The following PPWD1 variants were observed in gnomAD, a reference collection of about 807,000 sequenced individuals.
The protein encoded by PPWD1 is peptidylprolyl isomerase domain and WD repeat-containing protein 1.
Under a neutral mutation model 68.8 loss-of-function variants are expected in PPWD1, and 43 were observed. The ratio of observed to expected loss-of-function variants is 0.62; its 90% CI spans 0.49 to 0.81. The LOEUF (loss-of-function observed/expected upper bound fraction) is 0.81. PPWD1 is among the 30% of genes least tolerant of loss of function. The pLI is 0.00. For synonymous variants in PPWD1, 232 were observed against 258.7 expected (o/e 0.90, Z 0.99); for missense variants, 672 against 804.8 (o/e 0.83, Z 2.00).
At chr5:65,582,058 A>G (rs1365263395) in intron 7 of PPWD1, among the ~76,000 whole-genome samples, 2 of 152,164 alleles carry the variant, frequency 1.3e-5, no homozygotes, top group Non-Finnish European at 2.9e-5. Flanking sequence ...CATTCCTTTG[A>G]AAACTGGAGA....
chr5:65,576,283 G>A (rs944385316), intron 5 of PPWD1: 1 of 980,420 alleles, frequency 1.0e-6, no homozygotes, highest in Middle Eastern at 5.2e-4. Flanking sequence ...TTAAAAGGCA[G>A]CAGATGTATT....
intron 2 of PPWD1, chr5:65,569,256 G>T: frequency 3.5e-6 from 1 of 287,742 alleles, no homozygotes; most frequent in Non-Finnish European, 6.7e-6. Flanking sequence ...AAAGTAGTAT[G>T]TTTAGATTTA....
In PPWD1 at chr5:65,577,131, C is replaced by T. The variant is rs543933775; in HGVS notation, c.1160+62C>T. The T allele has an allele frequency of 1.0e-5, 16 of 1,541,746 alleles. No homozygotes were observed. In the Admixed American group the frequency reaches 3.0e-4, roughly 29 times the overall value. The stretch of plus-strand genomic sequence containing the variant: ...GTTTGTGGGGGACCATTTCCTCCAT[C>T]ATGGGAACAGTGGGAGTATTGTTTG... On this transcript the variant is annotated intron_variant, in intron 6 of 10. Transcript: ENST00000261308.
Position 65,565,807 on chromosome 5 carries a change from C to CAA in PPWD1, c.197-1688_197-1687dup, listed in dbSNP as rs35080676. ...TGGGCAACAGAGCAAGACTCCGTCT[C>CAA]AAAAAAAAAAAAAAAAAAAGCCAAT... On this transcript the variant is annotated intron_variant, in intron 1 of 10. Coordinates refer to ENST00000261308, the MANE Select transcript of PPWD1 (RefSeq NM_015342.4). Among the ~76,000 whole-genome samples, 521 of 103,280 alleles carry CAA rather than the reference C, an allele frequency of 5.0e-3. 5 individuals are homozygous for CAA. The highest frequency in any genetic ancestry group is 0.017 in the African/African-American group (457 of 27,034). 67.8% of individuals were successfully genotyped at this position (103,280 alleles called of 152,430 possible).
chr5:65,585,814 A>G (rs531360139), intron 9 of PPWD1, 185 bp from the exon 10 acceptor site: 2 of 639,404 alleles, frequency 3.1e-6, no homozygotes, highest in African/African-American at 2.0e-5. Context: ...TTATGTTTCA[A>G]TCAAGGTGGT....
At chr5:65,580,188 A>G (rs1013628197) in intron 7 of PPWD1, among the ~76,000 whole-genome samples, 6 of 152,146 alleles carry the variant, frequency 3.9e-5, no homozygotes, top group Non-Finnish European at 5.9e-5. Context: ...TGTTCATCCA[A>G]GCAGGAAAAT....
chr5:65,578,355 A>G (rs1179946105), intron 6 of PPWD1, among the ~76,000 whole-genome samples: 1 of 152,238 alleles, frequency 6.6e-6, no homozygotes, highest in Non-Finnish European at 1.5e-5. Context: ...GTAAATACCA[A>G]GGAGCACAAT....
At chr5:65,578,149 C>G (rs1486147182) in intron 6 of PPWD1, among the ~76,000 whole-genome samples, 1 of 152,170 alleles carries the variant, frequency 6.6e-6, no homozygotes, top group African/African-American at 2.4e-5. Context: ...ATTTAAGTTT[C>G]CTCCATGCCT....
Position 65,576,884 on chromosome 5 carries a change from T to C in PPWD1, c.975T>C (p.Phe325=), listed in dbSNP as rs1561727957. 1.2e-6 allele frequency: 2 copies of C among 1,613,992 alleles called. No individual in the cohort carries two copies. The highest frequency in any genetic ancestry group is 1.7e-4 in the Middle Eastern group (1 of 6,060). The change falls in exon 6 of 11, where the codon TTT becomes TTC. Residue 325 remains phenylalanine (F), a synonymous_variant. Transcript: ENST00000261308. ...CTAAATGGTTTATTTCCTAGATGTT[T>C]ACTGAACTGCAACAGATGAGGCAAC... The part of the protein sequence containing the change: ...MRVFDESLSM[F]TELQQMRQQL...
rs1382019656 is a variant in PPWD1, at chr5:65,571,903, T to G, written c.586T>G (p.Ser196Ala). Residue 196 changes from serine (S) to alanine (A), a missense_variant, in exon 5 of 11, where the codon TCC becomes GCC. Physicochemically the swap from Ser to Ala is moderately conservative, Grantham distance 99 (BLOSUM62 1). This residue lies in a region of PPWD1 where 484 missense variants were observed against 646.2 expected (regional missense o/e 0.75). Transcript: ENST00000261308. ...PGDAISSVAA[S>A]EKSTGKIFIY... ...GGATGCAATTTCTTCAGTTGCTGCT[T>G]CCGAAAAGAGTACAGGAAAAATTTT... The G allele has an allele frequency of 1.2e-6, 2 of 1,614,050 alleles. No individual in the cohort carries two copies. Among genetic ancestry groups the G allele is most frequent in the Non-Finnish European group, 1.7e-6 (2 of 1,179,986 alleles).
intron 1 of PPWD1, among the ~76,000 whole-genome samples, chr5:65,565,498 A>T (rs1752707732): frequency 6.6e-6 from 1 of 152,146 alleles, no homozygotes; most frequent in South Asian, 2.1e-4. Flanking sequence ...TCAGTTATTT[A>T]TTGTTTTAAG....
chr5:65,573,333 A>T (rs1346499288), intron 5 of PPWD1, among the ~76,000 whole-genome samples: 1 of 148,154 alleles, frequency 6.7e-6, no homozygotes, highest in African/African-American at 2.5e-5. Context: ...TCTGAGACAG[A>T]GTTGCACTTG....
In PPWD1 at chr5:65,572,048, C is replaced by G; in HGVS notation, c.731C>G (p.Ser244Cys). The G allele has an allele frequency of 6.2e-7, 1 of 1,613,998 alleles. No homozygotes were observed. The highest frequency in any genetic ancestry group is 8.5e-7 in the Non-Finnish European group (1 of 1,179,888). The change falls in exon 5 of 11, where the codon TCT (serine) becomes TGT (cysteine). Residue 244 changes from serine (S) to cysteine (C), a missense_variant. Around this residue, in one of 2 missense-constraint regions of PPWD1, gnomAD observed 484 missense variants for 646.2 expected, o/e 0.75. Transcript: ENST00000261308. Reference sequence around the variant, plus strand: ...AAAGCAGTAGTGTCTTCTGACAAATCTGGGATGATTGAATACTGGACTGGG... The same window carrying G: ...AAAGCAGTAGTGTCTTCTGACAAATGTGGGATGATTGAATACTGGACTGGG... The part of the protein sequence containing the change: ...VYKAVVSSDK[S>C]GMIEYWTGPP...
In PPWD1 at chr5:65,586,089, A is replaced by C. The variant is rs774361860; in HGVS notation, c.1705A>C (p.Thr569Pro). 6.2e-7 allele frequency: 1 copy of C among 1,613,690 alleles called. No individual in the cohort carries two copies. The highest frequency in any genetic ancestry group is 8.5e-7 in the Non-Finnish European group (1 of 1,179,654). Residue 569 changes from threonine (T) to proline (P), a missense_variant, in exon 10 of 11, where the codon ACA becomes CCA. Physicochemically the swap from Thr to Pro is conservative, Grantham distance 38. Transcript: ENST00000261308. ...AGAATTTGAAGATGAATTTCATTCAACATTACGACATGACAGGCCATACAC... is the reference window on the plus strand; with the variant it reads ...AGAATTTGAAGATGAATTTCATTCACCATTACGACATGACAGGCCATACAC... ...GGEFEDEFHS[T>P]LRHDRPYTLS...
At chr5:65,572,943 C>A (rs1005126074) in intron 5 of PPWD1, among the ~76,000 whole-genome samples, 1 of 152,174 alleles carries the variant, frequency 6.6e-6, no homozygotes, top group South Asian at 2.1e-4. Context: ...GCACCCAGGG[C>A]CATCTTTTAC....
In PPWD1 at chr5:65,571,944, A is replaced by G; in HGVS notation, c.627A>G (p.Arg209=). 1 of 1,614,082 alleles carries G rather than the reference A, an allele frequency of 6.2e-7. No homozygotes were observed. Among genetic ancestry groups the G allele is most frequent in the Non-Finnish European group, 8.5e-7 (1 of 1,179,962 alleles). ...GAAAAATTTTCATTTATGATGGCCG[A>G]GGAGATAACCAGCCACTTCATATTT... ...STGKIFIYDG[R]GDNQPLHIFD... The change falls in exon 5 of 11, where the codon CGA becomes CGG. Residue 209 remains arginine, a synonymous_variant. Coordinates refer to ENST00000261308, the MANE Select transcript of PPWD1 (RefSeq NM_015342.4).
Position 65,569,677 on chromosome 5 carries a change from C to A in PPWD1, c.345C>A (p.Phe115Leu). The change falls in exon 3 of 11, where the codon TTC becomes TTA. Residue 115 changes from phenylalanine (F) to leucine (L), a missense_variant. By Grantham distance (22) the Phe-to-Leu change is conservative. This residue lies in a region of PPWD1 where 188 missense variants were observed against 158.6 expected (regional missense o/e 1.19). Transcript: ENST00000261308. ...ITASHDGHVK[F>L]WKKIEEGIEF... ...CCAGTCATGATGGACATGTCAAGTT[C>A]TGGAAAAAAATAGAAGAGGGAATTG... is the stretch of plus-strand genomic sequence containing the variant. 1 of 1,608,016 alleles carries A rather than the reference C, an allele frequency of 6.2e-7. No individual in the cohort carries two copies. Among genetic ancestry groups the A allele is most frequent in the South Asian group, 1.1e-5 (1 of 90,284 alleles).
At chr5:65,576,739 TAAGAAGTAC>T (rs1753304550) in intron 5 of PPWD1, 131 bp from the exon 6 acceptor site, 2 of 1,364,582 alleles carry the variant, frequency 1.5e-6, no homozygotes, top group Middle Eastern at 2.1e-4. Flanking sequence ...GAATCCCTCT[TAAGAAGTAC>T]AAACAGTTAG....
In PPWD1 at chr5:65,571,847, C is replaced by T; in HGVS notation, c.530C>T (p.Pro177Leu). The change falls in exon 5 of 11, where the codon CCT becomes CTT. Residue 177 changes from proline to leucine, a missense_variant. Coordinates refer to ENST00000261308, the MANE Select transcript of PPWD1 (RefSeq NM_015342.4). ...ATTCTTTACGATTTTAGCTATTTTC[C>T]TGGACAGTGTGAGTGGATCTATTGC... ...MINMLKLGYF[P>L]GQCEWIYCPG... 2 of 1,613,030 alleles carry T rather than the reference C, an allele frequency of 1.2e-6. No homozygotes were observed. Among genetic ancestry groups the T allele is most frequent in the Non-Finnish European group, 1.7e-6 (2 of 1,179,416 alleles).
Sources: gnomAD v4.1 joint callset for allele counts (sites outside exome capture counted in the v4.1 genomes callset) on GRCh38, gnomAD v4.1.1 for gene constraint, gnomAD v4.1.1 regional missense constraint, MANE v1.5 for transcripts, NCBI Gene and HGNC (gene_info 2026-07-23, HGNC 2026-07-21) for gene names.